MPPE1: variants seen among roughly 807,000 people sequenced by gnomAD.
MPPE1 encodes metallo phosphoesterase.
In MPPE1, 28 loss-of-function variants were observed where a neutral mutation model predicts 43.8. That is an observed-to-expected ratio of 0.64 (90% confidence interval 0.47 to 0.88). The LOEUF is 0.88. Ranked by LOEUF, MPPE1 falls within the 40% of genes least tolerant of loss-of-function variation. The pLI is 0.00. For missense variants in MPPE1, 428 were observed against 492.2 expected, an observed-to-expected ratio of 0.87 and a Z score of 1.23; for synonymous variants, 159 against 188.5, an observed-to-expected ratio of 0.84 and a Z score of 1.28.
intron 10 of MPPE1, 50 bp downstream of exon 10, chr18:11,885,626 G>C: frequency 1.9e-6 from 3 of 1,582,430 alleles, no homozygotes; most frequent in Non-Finnish European, 2.6e-6. Context: ...TTACTGTGTT[G>C]ATTTAAATAC....
At chr18:11,892,765 G>A (rs897339869) in intron 4 of MPPE1, among the ~76,000 whole-genome samples, 1 of 151,962 alleles carries the variant, frequency 6.6e-6, no homozygotes, top group Non-Finnish European at 1.5e-5. Context: ...CCAAATTGAA[G>A]ATTTTCCAAA....
chr18:11,888,490 CATCT>C (rs1219547400), intron 6 of MPPE1, among the ~76,000 whole-genome samples, 175 bp downstream of exon 6: 1 of 152,080 alleles, frequency 6.6e-6, no homozygotes, highest in Non-Finnish European at 1.5e-5. Context: ...TGAGGTTTCC[CATCT>C]ATCGGCTCCC....
At chr18:11,890,232 A>C (rs528296685) in intron 4 of MPPE1, among the ~76,000 whole-genome samples, 1 of 152,104 alleles carries the variant, frequency 6.6e-6, no homozygotes, top group Non-Finnish European at 1.5e-5. Flanking sequence ...GTGAGCCACC[A>C]CACTTGGCCA....
intron 4 of MPPE1, among the ~76,000 whole-genome samples, chr18:11,890,071 T>C (rs1598507270): frequency 6.6e-6 from 1 of 151,222 alleles, no homozygotes; most frequent in Non-Finnish European, 1.5e-5. Flanking sequence ...GCCTCCTGAG[T>C]AGCTGGAACT....
chr18:11,899,143 G>A, intron 2 of MPPE1, among the ~76,000 whole-genome samples: 1 of 151,942 alleles, frequency 6.6e-6, no homozygotes, highest in Non-Finnish European at 1.5e-5. Context: ...TTGAACTCCT[G>A]AGCTCAAGTG....
chr18:11,898,141 TC>T (rs1260414146), intron 2 of MPPE1, among the ~76,000 whole-genome samples: 6 of 152,244 alleles, frequency 3.9e-5, no homozygotes, highest in African/African-American at 7.2e-5. Context: ...TGATCTGGGC[TC>T]ACTGCAACCT....
intron 2 of MPPE1, among the ~76,000 whole-genome samples, chr18:11,897,830 A>C (rs2038752216): frequency 6.6e-6 from 1 of 152,220 alleles, no homozygotes; most frequent in African/African-American, 2.4e-5. Context: ...TTTCCACAAA[A>C]TAAGTGAATA....
At chr18:11,892,577 G>C (rs1342854822) in intron 4 of MPPE1, among the ~76,000 whole-genome samples, 1 of 151,520 alleles carries the variant, frequency 6.6e-6, no homozygotes, top group Admixed American at 6.6e-5. Context: ...GGAGGCTGAG[G>C]CAGGACAATC....
chr18:11,890,118 A>G (rs960083550), intron 4 of MPPE1, among the ~76,000 whole-genome samples: 1 of 150,056 alleles, frequency 6.7e-6, no homozygotes, highest in Non-Finnish European at 1.5e-5. Context: ...AATTTTTTGT[A>G]TTTTTAGTAG....
chr18:11,888,584 G>T, intron 6 of MPPE1, 85 bp downstream of exon 6: 1 of 785,960 alleles, frequency 1.3e-6, no homozygotes, highest in South Asian at 1.6e-5. Flanking sequence ...GCAGGTAGAT[G>T]ATAGATCCCA....
chr18:11,900,224 T>C (rs2038999691), intron 2 of MPPE1, among the ~76,000 whole-genome samples: 1 of 152,108 alleles, frequency 6.6e-6, no homozygotes, highest in Admixed American at 6.5e-5. Flanking sequence ...TGTGCACCTG[T>C]AATCCTAGCT....
intron 1 of MPPE1, among the ~76,000 whole-genome samples, chr18:11,907,341 G>A (rs1352642096): frequency 1.3e-5 from 2 of 152,024 alleles, no homozygotes; most frequent in Admixed American, 1.3e-4. Flanking sequence ...TTTATGGACC[G>A]AACCAATGTA....
intron 2 of MPPE1, among the ~76,000 whole-genome samples, chr18:11,900,756 A>T (rs930850468): frequency 1.3e-5 from 2 of 151,750 alleles, no homozygotes; most frequent in Non-Finnish European, 2.9e-5. Context: ...AAATACAAAA[A>T]ATTAGCCAGG....
intron 10 of MPPE1, 102 bp from the exon 11 acceptor site, chr18:11,884,729 C>A: frequency 7.3e-7 from 1 of 1,370,548 alleles, no homozygotes; most frequent in Non-Finnish European, 1.0e-6. Context: ...AGGTCCCCCT[C>A]AGGTGAGGCA....
rs1309938751 is a variant in MPPE1 at position 11,886,342 on chromosome 18, G to T, written c.867+157C>A. ...CGATTAAATGAAAATCTGAGATACT[G>T]TGAAAGCCAGGCCTCCACCCCTGTC... On this transcript the variant is annotated intron_variant, in intron 9 of 10. Coordinates refer to ENST00000588072, the MANE Select transcript of MPPE1 (RefSeq NM_023075.6). This position sits in a 1 kb window ranked among gnomAD's most constrained non-coding sequence, Gnocchi z 4.1. 1.0e-6 allele frequency: 1 copy of T among 984,168 alleles called. No homozygotes were observed. Among genetic ancestry groups the T allele is most frequent in the Non-Finnish European group, 1.5e-6 (1 of 650,596 alleles). 61.0% of individuals were successfully genotyped at this position (984,168 alleles called of 1,614,324 possible).
chr18:11,895,000 C>T (rs980596416), intron 3 of MPPE1, among the ~76,000 whole-genome samples: 4 of 152,198 alleles, frequency 2.6e-5, no homozygotes, highest in Admixed American at 2.6e-4. Flanking sequence ...TCAAAAATGT[C>T]AGTGTTTGCT....
Position 11,890,088 on chromosome 18 carries a change from G to A in MPPE1, c.391-598C>T, listed in dbSNP as rs569613371. On this transcript the variant is annotated intron_variant, in intron 4 of 10. Coordinates refer to ENST00000588072, the MANE Select transcript of MPPE1 (RefSeq NM_023075.6). Reference sequence around the variant, plus strand: ...CTCCTGAGTAGCTGGAACTACAGGCGCCCGCCACCACGCCCGACTAATTTT... The same window carrying A: ...CTCCTGAGTAGCTGGAACTACAGGCACCCGCCACCACGCCCGACTAATTTT... Among the ~76,000 whole-genome samples, 301 of 151,022 alleles carry A rather than the reference G, an allele frequency of 2.0e-3. 2 individuals are homozygous for A. The highest frequency in any genetic ancestry group is 6.5e-3 in the African/African-American group (267 of 41,182).
At chr18:11,885,281 T>C (rs2037025799) in intron 10 of MPPE1, 1 of 277,552 alleles carries the variant, frequency 3.6e-6, no homozygotes, top group Non-Finnish European at 7.0e-6. Flanking sequence ...TTTATCAACC[T>C]GCAAAAGCTG....
At chr18:11,887,169 G>A (rs2037410761) in intron 6 of MPPE1, 144 bp from the exon 7 acceptor site, 8 of 593,900 alleles carry the variant, frequency 1.3e-5, no homozygotes, top group Admixed American at 3.3e-5. Context: ...ATAATTTGGT[G>A]TATTTTTAAA....
Sources: allele counts gnomAD v4.1 joint callset (sites outside exome capture counted in the v4.1 genomes callset), GRCh38; gene constraint gnomAD v4.1.1; non-coding constraint Gnocchi (gnomAD v3.1); transcripts MANE v1.5; gene names NCBI Gene and HGNC (gene_info 2026-07-23, HGNC 2026-07-21).